The following LINGO2 variants were observed in gnomAD, a reference collection of about 807,000 sequenced individuals.
The protein encoded by LINGO2 is leucine-rich repeat and immunoglobulin-like domain-containing nogo receptor-interacting protein 2.
Under a neutral mutation model 30.6 loss-of-function variants are expected in LINGO2, and 14 were observed. That is an observed-to-expected ratio of 0.46 (90% CI 0.30 to 0.72). The LOEUF (loss-of-function observed/expected upper bound fraction) is 0.72. LINGO2 is among the 30% of genes least tolerant of loss of function. The pLI is 0.07. For synonymous variants in LINGO2, 317 were observed against 288.5 expected, an observed-to-expected ratio of 1.10 and a Z score of -1.00; for missense variants, 729 against 751.7, an observed-to-expected ratio of 0.97 and a Z score of 0.35.
At chr9:28,430,245 G>A (rs1043453828) in intron 2 of LINGO2, among the ~76,000 whole-genome samples, 1 of 152,080 alleles carries the variant, frequency 6.6e-6, no homozygotes, top group South Asian at 2.1e-4. Flanking sequence ...GGCAGAAGAG[G>A]GTCCTGGTCA....
the LINGO2 span, among the ~76,000 whole-genome samples, chr9:28,977,779 T>TGCAA: frequency 3.3e-5 from 5 of 152,168 alleles, no homozygotes; most frequent in Admixed American, 3.3e-4. Context: ...CTGAGGATTT[T>TGCAA]AAATTCTAGT....
At chr9:28,426,842 C>G (rs930028056) in intron 2 of LINGO2, among the ~76,000 whole-genome samples, 3 of 152,054 alleles carry the variant, frequency 2.0e-5, no homozygotes. Flanking sequence ...ATCTACCTAC[C>G]AAACTCCCCT....
chr9:28,003,150 G>T lies in LINGO2; in HGVS notation c.-36+9205C>A, dbSNP rs1822049534. Among the ~76,000 whole-genome samples the T allele has an allele frequency of 4.6e-5, 7 of 152,160 alleles. No individual in the cohort carries two copies. The South Asian group carries it at 1.4e-3, about 32-fold the overall frequency. ...GTGGTAAGAAAGCATTAGTGATCCTGCCATATTTGTGATTATTTGCTTTTG... is the reference window on the plus strand; with the variant it reads ...GTGGTAAGAAAGCATTAGTGATCCTTCCATATTTGTGATTATTTGCTTTTG... On this transcript the variant is annotated intron_variant, in intron 5 of 5. Transcript: ENST00000379992.
intron 1 of LINGO2, among the ~76,000 whole-genome samples, chr9:28,568,945 A>T (rs539630262): frequency 3.1e-4 from 47 of 152,144 alleles, no homozygotes; most frequent in African/African-American, 1.1e-3. Context: ...AAAATTCAGA[A>T]TACTCAACAC....
chr9:28,822,413 C>T, the LINGO2 span, among the ~76,000 whole-genome samples: 5 of 152,106 alleles, frequency 3.3e-5, no homozygotes, highest in African/African-American at 1.2e-4. Flanking sequence ...GTATGATGGT[C>T]AATACAGAGT....
At position 27,949,710 on chromosome 9, in the gene LINGO2, C is replaced by T. The variant is rs573296877; in HGVS notation, c.962G>A (p.Arg321His). The T allele has an allele frequency of 1.2e-5, 19 of 1,614,128 alleles. No individual in the cohort carries two copies. The highest frequency in any genetic ancestry group is 6.7e-5 in the Admixed American group (4 of 60,014). ...AGACACATTGAGCACGCGTAGGAAG[C>T]GGAGCCCTTGGAAGGAGTGAGGCTC... Residue 321 changes from arginine to histidine, a missense_variant, in exon 6 of 6, where the codon CGC (arginine) becomes CAC (histidine). Physicochemically the swap from Arg to His is conservative, Grantham distance 29. Coordinates refer to ENST00000379992, the Ensembl canonical transcript of LINGO2.
intron 5 of LINGO2, among the ~76,000 whole-genome samples, chr9:28,000,101 T>C (rs1821872277): frequency 6.6e-6 from 1 of 152,160 alleles, no homozygotes; most frequent in African/African-American, 2.4e-5. Flanking sequence ...ATAAACTCAG[T>C]GAAAAGACTA....
chr9:28,161,475 C>T (rs1828284499), intron 4 of LINGO2, among the ~76,000 whole-genome samples: 1 of 151,954 alleles, frequency 6.6e-6, no homozygotes, highest in Non-Finnish European at 1.5e-5. Context: ...ATAATTTAAA[C>T]ACAACCTTAT....
At chr9:28,277,837 C>CAAAAAAAAAAAAACAAAAAAA (rs765748438) in intron 4 of LINGO2, among the ~76,000 whole-genome samples, 2 of 108,026 alleles carry the variant, frequency 1.9e-5, no homozygotes, top group African/African-American at 7.1e-5. Flanking sequence ...CAAAACAAAA[C>CAAAAAAAAAAAAACAAAAAAA]AAAAAAAAAA....
the LINGO2 span, among the ~76,000 whole-genome samples, chr9:29,148,221 A>G: frequency 6.6e-6 from 1 of 152,166 alleles, no homozygotes; most frequent in African/African-American, 2.4e-5. Context: ...AAAAATAATT[A>G]ATAACACCCA....
chr9:28,327,818 G>C (rs1825283840), intron 3 of LINGO2, among the ~76,000 whole-genome samples: 1 of 152,006 alleles, frequency 6.6e-6, no homozygotes, highest in Non-Finnish European at 1.5e-5. Context: ...AATAAAAAAA[G>C]TCATGTGATA....
chr9:29,174,766 A>G, the LINGO2 span, among the ~76,000 whole-genome samples: 5 of 152,362 alleles, frequency 3.3e-5, no homozygotes, highest in Non-Finnish European at 7.3e-5. Context: ...GTTTATAAAT[A>G]CATGTCAGGA....
At chr9:28,782,385 A>G in the LINGO2 span, among the ~76,000 whole-genome samples, 1 of 152,160 alleles carries the variant, frequency 6.6e-6, no homozygotes, top group Non-Finnish European at 1.5e-5. Context: ...TTGATCATCT[A>G]CTATGCACCA....
At chr9:28,023,928 T>C (rs968321557) in intron 4 of LINGO2, among the ~76,000 whole-genome samples, 2 of 152,142 alleles carry the variant, frequency 1.3e-5, no homozygotes, top group Non-Finnish European at 2.9e-5. Flanking sequence ...TTTCTACCCA[T>C]TTATGGTTCC....
chr9:28,983,638 ATAAG>A, the LINGO2 span, among the ~76,000 whole-genome samples: 19 of 152,070 alleles, frequency 1.2e-4, no homozygotes, highest in East Asian at 3.5e-3. Context: ...ATTCTATTAA[ATAAG>A]TATTTATTAA....
chr9:28,798,553 C>T, the LINGO2 span, among the ~76,000 whole-genome samples: 5 of 151,958 alleles, frequency 3.3e-5, no homozygotes, highest in African/African-American at 9.7e-5. Context: ...TGAAAAAGGA[C>T]GTACTGATGG....
the LINGO2 span, among the ~76,000 whole-genome samples, chr9:28,722,171 T>A: frequency 6.6e-6 from 1 of 152,026 alleles, no homozygotes. Context: ...AAAAGTAAAA[T>A]AAAACTTGAA....
At chr9:28,990,707 G>A in the LINGO2 span, among the ~76,000 whole-genome samples, 16 of 152,096 alleles carry the variant, frequency 1.1e-4, no homozygotes, top group Non-Finnish European at 5.9e-5. Context: ...ACGAAAATCC[G>A]CTGTTCTGCA....
chr9:29,049,519 T>C, the LINGO2 span, among the ~76,000 whole-genome samples: 16 of 152,338 alleles, frequency 1.1e-4, no homozygotes, highest in East Asian at 2.7e-3. Flanking sequence ...GTTGCAGCAC[T>C]GTTTACAACT....
Sources: gnomAD v4.1 joint callset for allele counts (sites outside exome capture counted in the v4.1 genomes callset) on GRCh38, gnomAD v4.1.1 for gene constraint, MANE v1.5 for transcripts, NCBI Gene and HGNC (gene_info 2026-07-23, HGNC 2026-07-21) for gene names.